IL1RAPL2: variants seen among roughly 807,000 people sequenced by gnomAD.
IL1RAPL2 encodes the protein X-linked interleukin-1 receptor accessory protein-like 2.
IL1RAPL2 carries 3 observed loss-of-function variants against 44.1 expected under a neutral mutation model. That is an observed-to-expected ratio of 0.07 (90% CI 0.03 to 0.18). The LOEUF (loss-of-function observed/expected upper bound fraction) is 0.18. Ranked by LOEUF, IL1RAPL2 falls within the 10% of genes least tolerant of loss-of-function variation. The probability of loss-of-function intolerance (pLI) is 1.00; values close to 1 mark genes in which losing one functional copy is unlikely to be tolerated. For missense variants in IL1RAPL2, 391 were observed against 496.4 expected (o/e 0.79, Z 2.02); for synonymous variants, 181 against 178.8 (o/e 1.01, Z -0.10).
chrX:105,418,798 G>T (rs923343312), intron 5 of IL1RAPL2, among the ~76,000 whole-genome samples: 2 of 111,831 alleles, frequency 1.8e-5, no homozygotes, highest in African/African-American at 6.5e-5. Context: ...TAAAACTCAA[G>T]AAGAGAAAAG....
chrX:105,669,457 A>T (rs958252277), intron 6 of IL1RAPL2, among the ~76,000 whole-genome samples: 4 of 111,912 alleles, frequency 3.6e-5, no homozygotes, highest in African/African-American at 1.3e-4. Flanking sequence ...TTCATTTCTT[A>T]GAAGATAAAC....
chrX:104,733,318 G>T (rs1009975043), intron 2 of IL1RAPL2, among the ~76,000 whole-genome samples: 5 of 111,077 alleles, frequency 4.5e-5, no homozygotes, highest in African/African-American at 9.8e-5. Context: ...AGGACCGGGC[G>T]CAGTGGCACA....
chrX:104,840,396 T>C (rs1479554527), intron 2 of IL1RAPL2, among the ~76,000 whole-genome samples: 1 of 112,078 alleles, frequency 8.9e-6, no homozygotes, highest in African/African-American at 3.2e-5. Context: ...CTTAATCCTG[T>C]GTTCTAATTT....
intron 5 of IL1RAPL2, among the ~76,000 whole-genome samples, chrX:105,422,714 A>T (rs2035781866): frequency 8.9e-6 from 1 of 111,736 alleles, no homozygotes; most frequent in African/African-American, 3.2e-5. Flanking sequence ...GCAAAAAGTC[A>T]AAAAGATTAC....
intron 2 of IL1RAPL2, among the ~76,000 whole-genome samples, chrX:104,695,349 A>AAGAGAGAGAGAGAGAG (rs200451049): frequency 4.7e-5 from 5 of 105,997 alleles, no homozygotes; most frequent in Non-Finnish European, 9.8e-5. Flanking sequence ...GAGAGAGAGA[A>AAGAGAGAGAGAGAGAG]AGAGAGAGAG....
chrX:105,322,333 C>T (rs2034903119), intron 5 of IL1RAPL2, among the ~76,000 whole-genome samples: 1 of 112,098 alleles, frequency 8.9e-6, no homozygotes, highest in Non-Finnish European at 1.9e-5. Context: ...GCTATTAAGC[C>T]ATTTATTTAT....
At chrX:105,439,498 CA>C (rs1382942048) in intron 5 of IL1RAPL2, among the ~76,000 whole-genome samples, 1 of 48,219 alleles carries the variant, frequency 2.1e-5, no homozygotes, top group Non-Finnish European at 3.5e-5. Flanking sequence ...GTTCCCTTTA[CA>C]ATATAACTTT....
At chrX:104,896,012 T>C (rs752015387) in intron 2 of IL1RAPL2, among the ~76,000 whole-genome samples, 1 of 112,076 alleles carries the variant, frequency 8.9e-6, no homozygotes, top group South Asian at 3.8e-4. Context: ...AGGAGGACTC[T>C]GCACCTTCTT....
chrX:105,219,533 T>C (rs782320005), intron 3 of IL1RAPL2: 145 of 1,206,592 alleles, frequency 1.2e-4, no homozygotes, highest in Non-Finnish European at 1.5e-4. Flanking sequence ...TGGGTCTCCA[T>C]GGGGGCAGCC....
intron 2 of IL1RAPL2, among the ~76,000 whole-genome samples, chrX:104,735,743 G>T (rs1227084256): frequency 3.6e-5 from 4 of 111,136 alleles, no homozygotes; most frequent in African/African-American, 1.3e-4. Context: ...TGCATAACTG[G>T]TAACTGTAGC....
chrX:104,573,255 T>C (rs1273018682), intron 1 of IL1RAPL2, among the ~76,000 whole-genome samples: 1 of 112,264 alleles, frequency 8.9e-6, no homozygotes, highest in Non-Finnish European at 1.9e-5. Context: ...CTAGAAGTGC[T>C]CTATTCAATA....
At chrX:104,859,255 C>T (rs1922437881) in intron 2 of IL1RAPL2, among the ~76,000 whole-genome samples, 1 of 111,075 alleles carries the variant, frequency 9.0e-6, no homozygotes, top group Non-Finnish European at 1.9e-5. Context: ...ACAGGAAGAC[C>T]AAGAGTAAAA....
chrX:105,206,611 CA>C (rs2033766132), intron 3 of IL1RAPL2, among the ~76,000 whole-genome samples: 1 of 112,039 alleles, frequency 8.9e-6, no homozygotes, highest in Non-Finnish European at 1.9e-5. Flanking sequence ...CATCAGTGAA[CA>C]TTATTGTCTG....
intron 6 of IL1RAPL2, among the ~76,000 whole-genome samples, chrX:105,540,521 A>G (rs924923663): frequency 1.8e-5 from 2 of 109,062 alleles, no homozygotes; most frequent in African/African-American, 6.7e-5. Flanking sequence ...ACTGGGGACT[A>G]CTAGAGGGAA....
chrX:104,641,260 G>A (rs965608490), intron 1 of IL1RAPL2, among the ~76,000 whole-genome samples: 2 of 111,170 alleles, frequency 1.8e-5, no homozygotes, highest in African/African-American at 6.6e-5. Context: ...AGGTGCCCAC[G>A]GTGGTAGACT....
intron 6 of IL1RAPL2, among the ~76,000 whole-genome samples, chrX:105,643,753 C>T (rs2037584993): frequency 8.9e-6 from 1 of 111,978 alleles, no homozygotes; most frequent in Non-Finnish European, 1.9e-5. Context: ...CTGTTGAAAC[C>T]CCTCAAGAGA....
intron 2 of IL1RAPL2, among the ~76,000 whole-genome samples, chrX:104,670,660 T>C (rs1278942554): frequency 1.8e-5 from 2 of 111,060 alleles, no homozygotes; most frequent in African/African-American, 6.6e-5. Context: ...CTAGGTGTAT[T>C]GTGTGATGCT....
rs1469755222 is a variant in IL1RAPL2 at position 105,540,843 on chromosome X, A to ATATGTATATATTATATAT, written c.772+56456_772+56457insTATGTATATATTATATAT. On this transcript the variant is annotated intron_variant, in intron 6 of 10. Transcript: ENST00000372582. ...ACATATATTATATATGATATATAAT[A>ATATGTATATATTATATAT]CATACATATATTATATATGATATAT... is the stretch of plus-strand genomic sequence containing the variant. Among the ~76,000 whole-genome samples the ATATGTATATATTATATAT allele has an allele frequency of 1.2e-4, 8 of 66,243 alleles. 1 individual carries two copies. Among genetic ancestry groups the ATATGTATATATTATATAT allele is most frequent in the South Asian group, 5.3e-4 (1 of 1,880 alleles). The allele number at this position is 66,243 out of a possible 115,157, so 57.5% of individuals were successfully genotyped here. A position where few individuals can be genotyped will look rare whatever the true frequency, so the allele number is the denominator to read the frequency against.
chrX:105,717,925 G>A (rs747523448), intron 7 of IL1RAPL2, among the ~76,000 whole-genome samples: 1 of 112,114 alleles, frequency 8.9e-6, no homozygotes, highest in South Asian at 3.7e-4. Context: ...GTTAACTCTT[G>A]TTGAATACTG....
Sources: allele counts gnomAD v4.1 joint callset (sites outside exome capture counted in the v4.1 genomes callset), GRCh38; gene constraint gnomAD v4.1.1; transcripts MANE v1.5; gene names NCBI Gene and HGNC (gene_info 2026-07-23, HGNC 2026-07-21).